Variants in ADAMTS9 observed in about 807,000 individuals in gnomAD.
ADAMTS9 encodes the protein A disintegrin and metalloproteinase with thrombospondin motifs 9.
Under a neutral mutation model 257.1 loss-of-function variants are expected in ADAMTS9, and 107 were observed. That is an observed-to-expected ratio of 0.42 (90% confidence interval 0.36 to 0.49). The LOEUF is 0.49. ADAMTS9 is among the 20% of genes least tolerant of loss of function. ADAMTS9 has a pLI of 0.03. For synonymous variants in ADAMTS9, 982 were observed against 880.9 expected (o/e 1.11, Z -2.03); for missense variants, 2,353 against 2,469.1 (o/e 0.95, Z 1.00).
intron 20 of ADAMTS9, 53 bp from the exon 21 acceptor site, chr3:64,615,538 T>A (rs1559793127): frequency 6.5e-6 from 10 of 1,533,156 alleles, no homozygotes; most frequent in Non-Finnish European, 8.8e-6. Flanking sequence ...TTATAAAGTA[T>A]GCTGAAGATC....
intron 19 of ADAMTS9, among the ~76,000 whole-genome samples, chr3:64,619,060 C>T (rs1047196286): frequency 2.0e-5 from 3 of 152,104 alleles, no homozygotes; most frequent in Non-Finnish European, 4.4e-5. Flanking sequence ...ATTGGTGCTC[C>T]ATGGGTAAAC....
intron 9 of ADAMTS9, chr3:64,650,405 A>G (rs1418866683): frequency 6.6e-6 from 1 of 152,596 alleles, no homozygotes; most frequent in Non-Finnish European, 1.5e-5. Context: ...GAGAAGAGCA[A>G]TAAATCTGTG....
chr3:64,660,297 A>C (rs897143776), intron 3 of ADAMTS9, among the ~76,000 whole-genome samples: 1 of 152,218 alleles, frequency 6.6e-6, no homozygotes, highest in Non-Finnish European at 1.5e-5. Flanking sequence ...AAGTGGTTTC[A>C]TATTAGAAGG....
chr3:64,633,559 T>C lies in ADAMTS9; in HGVS notation c.2088A>G (p.Thr696=), dbSNP rs769431194. The C allele has an allele frequency of 8.1e-6, 13 of 1,614,112 alleles. No homozygotes were observed. The highest frequency in any genetic ancestry group is 1.0e-5 in the Non-Finnish European group (12 of 1,180,012). Reference sequence around the variant, plus strand: ...CTCTGTCTCGAAGCTGATAGTAGGCTGTGTTCCCTGCCACTCTGCAGAACA... The same window carrying C: ...CTCTGTCTCGAAGCTGATAGTAGGCCGTGTTCCCTGCCACTCTGCAGAACA... ...CKLFCRVAGN[T]AYYQLRDRVI... The change falls in exon 14 of 40, where the codon ACA becomes ACG. Residue 696 remains threonine, a synonymous_variant. Coordinates refer to ENST00000498707, the MANE Select transcript of ADAMTS9 (RefSeq NM_182920.2).
chr3:64,619,946 G>A (rs1342436917), intron 19 of ADAMTS9, among the ~76,000 whole-genome samples: 1 of 151,494 alleles, frequency 6.6e-6, no homozygotes, highest in Non-Finnish European at 1.5e-5. Context: ...AAACAAAGAT[G>A]GGTTTATATG....
chr3:64,687,610 G>A lies in ADAMTS9; in HGVS notation c.48C>T (p.Asp16=), dbSNP rs1416565273. 4.4e-6 allele frequency: 7 copies of A among 1,586,872 alleles called. No individual in the cohort carries two copies. Among genetic ancestry groups the A allele is most frequent in the South Asian group, 2.3e-5 (2 of 86,646 alleles). Residue 16 remains aspartate (D), a synonymous_variant, in exon 1 of 40, where the codon GAC becomes GAT. Transcript: ENST00000498707. This position sits in a 1 kb window ranked among gnomAD's most constrained non-coding sequence, Gnocchi z 4.4. ...WATLLTLLVR[D]LAEMGSPDAA... ...CGTCTGGGCTCCCCATCTCGGCCAGGTCCCGCACCAGGAGCGTTAGCAGTG... is the reference window on the plus strand; with the variant it reads ...CGTCTGGGCTCCCCATCTCGGCCAGATCCCGCACCAGGAGCGTTAGCAGTG...
intron 29 of ADAMTS9, among the ~76,000 whole-genome samples, chr3:64,561,966 G>A (rs147974147): frequency 6.6e-6 from 1 of 152,152 alleles, no homozygotes; most frequent in African/African-American, 2.4e-5. Context: ...GAGTGAGGAA[G>A]GTGCTCAAGT....
intron 26 of ADAMTS9, among the ~76,000 whole-genome samples, chr3:64,597,991 A>C (rs1433495962): frequency 1.3e-5 from 2 of 152,184 alleles, no homozygotes; most frequent in South Asian, 4.1e-4. Context: ...ATCGTAGCTC[A>C]TATCAGTGTT....
chr3:64,613,659 T>A (rs947451346), intron 21 of ADAMTS9, 150 bp from the exon 22 acceptor site: 3 of 752,284 alleles, frequency 4.0e-6, no homozygotes, highest in Admixed American at 7.3e-5. Context: ...AGCCTCATTT[T>A]TTTCCTTTTG....
At chr3:64,564,710 C>A (rs1179261543) in intron 29 of ADAMTS9, among the ~76,000 whole-genome samples, 1 of 151,866 alleles carries the variant, frequency 6.6e-6, no homozygotes, top group Non-Finnish European at 1.5e-5. Context: ...TCCCCCCCAA[C>A]TTGTGACAAA....
chr3:64,608,850 G>C (rs2106826722), intron 22 of ADAMTS9, among the ~76,000 whole-genome samples: 1 of 151,762 alleles, frequency 6.6e-6, no homozygotes, highest in Non-Finnish European at 1.5e-5. Context: ...GATTAATATT[G>C]CTTATACAGA....
rs2084316798 is a variant in ADAMTS9 at position 64,594,213 on chromosome 3, G to A, written c.4356+45C>T. The A allele has an allele frequency of 2.5e-6, 4 of 1,574,100 alleles. No individual in the cohort carries two copies. The African/African-American group carries it at 4.0e-5, about 16-fold the overall frequency. On this transcript the variant is annotated intron_variant, in intron 28 of 39. Coordinates refer to ENST00000498707, the MANE Select transcript of ADAMTS9 (RefSeq NM_182920.2). The stretch of plus-strand genomic sequence containing the variant: ...CAGAGGAGTGCCCCAGAATACCTTG[G>A]AATTAGATAGTTTGGTTAACAAACA...
chr3:64,537,222 T>A (rs1400341440), intron 37 of ADAMTS9, among the ~76,000 whole-genome samples: 4 of 152,212 alleles, frequency 2.6e-5, no homozygotes, highest in Admixed American at 2.6e-4. Context: ...ATTGTCAGGA[T>A]TTAGCAAATC....
Position 64,615,348 on chromosome 3 carries a change from T to C in ADAMTS9, c.3162A>G (p.Pro1054=), listed in dbSNP as rs756345272. 9.3e-6 allele frequency: 15 copies of C among 1,614,014 alleles called. No individual in the cohort carries two copies. Among genetic ancestry groups the C allele is most frequent in the Non-Finnish European group, 1.2e-5 (14 of 1,179,910 alleles). Reference sequence around the variant, plus strand: ...CTGACCAGTCTCCAGATTTCCACTGTGGACAAGGGAACTCACTGCACCTCT... The same window carrying C: ...CTGACCAGTCTCCAGATTTCCACTGCGGACAAGGGAACTCACTGCACCTCT... ...TIQRCSEFPC[P]QWKSGDWSEC... The change falls in exon 21 of 40, where the codon CCA becomes CCG. Residue 1054 remains proline (P), a synonymous_variant. Coordinates refer to ENST00000498707, the MANE Select transcript of ADAMTS9 (RefSeq NM_182920.2).
Position 64,686,995 on chromosome 3 carries a change from A to G in ADAMTS9, c.116-27T>C, listed in dbSNP as rs760209836. On this transcript the variant is annotated intron_variant, in intron 1 of 39. Coordinates refer to ENST00000498707, the MANE Select transcript of ADAMTS9 (RefSeq NM_182920.2). This position sits in a 1 kb window ranked among gnomAD's most constrained non-coding sequence, Gnocchi z 4.6. The stretch of plus-strand genomic sequence containing the variant: ...TGCGGAGAGAAGCAGAGGTATATGA[A>G]CCAATAATTCATTTTTCCTTAAGCT... The G allele has an allele frequency of 6.9e-6, 11 of 1,585,000 alleles. No individual in the cohort carries two copies. The highest frequency in any genetic ancestry group is 9.4e-6 in the Non-Finnish European group (11 of 1,166,778).
chr3:64,644,908 T>C (rs1700746075), intron 11 of ADAMTS9, among the ~76,000 whole-genome samples: 1 of 152,190 alleles, frequency 6.6e-6, no homozygotes, highest in African/African-American at 2.4e-5. Context: ...GTCCTCATAG[T>C]TGCTTTTTAA....
At chr3:64,599,296 G>C (rs1455573094) in intron 26 of ADAMTS9, among the ~76,000 whole-genome samples, 1 of 152,182 alleles carries the variant, frequency 6.6e-6, no homozygotes, top group Non-Finnish European at 1.5e-5. Flanking sequence ...TTTCAGTCTG[G>C]ACTTTTGTTA....
At chr3:64,605,785 C>A (rs972057278) in intron 23 of ADAMTS9, among the ~76,000 whole-genome samples, 2 of 152,110 alleles carry the variant, frequency 1.3e-5, no homozygotes, top group Non-Finnish European at 2.9e-5. Context: ...CAAACACACA[C>A]ATATTACATG....
At position 64,633,762 on chromosome 3, in the gene ADAMTS9, G is replaced by A. The variant is rs754577175; in HGVS notation, c.1974C>T (p.Asp658=). Residue 658 remains aspartate, a synonymous_variant, in exon 13 of 40, where the codon GAC becomes GAT. Transcript: ENST00000498707. Reference sequence around the variant, plus strand: ...GACCGTTGATGTTAAAATGCTTCCCGTCAAAGTGAGCACACTGTTCATCTC... The same window carrying A: ...GACCGTTGATGTTAAAATGCTTCCCATCAAAGTGAGCACACTGTTCATCTC... ...DFRDEQCAHF[D]GKHFNINGLL... 45 of 1,613,480 alleles carry A rather than the reference G, an allele frequency of 2.8e-5. No homozygotes were observed. Among genetic ancestry groups the A allele is most frequent in the Non-Finnish European group, 3.5e-5 (41 of 1,179,946 alleles).
Sources: allele counts gnomAD v4.1 joint callset (sites outside exome capture counted in the v4.1 genomes callset), GRCh38; gene constraint gnomAD v4.1.1; non-coding constraint Gnocchi (gnomAD v3.1); transcripts MANE v1.5; gene names NCBI Gene and HGNC (gene_info 2026-07-23, HGNC 2026-07-21).